EXOC4: variants seen among roughly 807,000 people sequenced by gnomAD.
EXOC4 encodes exocyst complex component 4.
In EXOC4, 71 loss-of-function variants were observed where a neutral mutation model predicts 107.2. That is an observed-to-expected ratio of 0.66 (90% CI 0.55 to 0.81). The LOEUF (loss-of-function observed/expected upper bound fraction) is 0.81, where lower values mean the gene tolerates loss of function less well. Ranked by LOEUF, EXOC4 falls within the 30% of genes least tolerant of loss-of-function variation. The pLI is 0.00. For synonymous variants in EXOC4, 456 were observed against 441.2 expected (o/e 1.03, Z -0.42); for missense variants, 1,108 against 1,189.6 (o/e 0.93, Z 1.01).
At chr7:133,585,682 A>T (rs915227626) in intron 9 of EXOC4, among the ~76,000 whole-genome samples, 2 of 152,064 alleles carry the variant, frequency 1.3e-5, no homozygotes, top group African/African-American at 4.8e-5. Context: ...GAGGAGATAA[A>T]TGATAAGAAA....
At chr7:133,967,248 G>A (rs1801092691) in intron 14 of EXOC4, among the ~76,000 whole-genome samples, 3 of 150,826 alleles carry the variant, frequency 2.0e-5, no homozygotes, top group Admixed American at 1.3e-4. Flanking sequence ...TATCTATTTT[G>A]TTAATCTTCT....
At chr7:133,273,806 A>C (rs1793927740) in intron 1 of EXOC4, among the ~76,000 whole-genome samples, 1 of 152,190 alleles carries the variant, frequency 6.6e-6, no homozygotes. Flanking sequence ...CTCTGAAAGC[A>C]GTTCTAATGA....
chr7:133,668,801 A>G (rs1035256), intron 10 of EXOC4, among the ~76,000 whole-genome samples: 150,155 of 152,184 alleles, frequency 0.99, 74,117 homozygotes, highest in Middle Eastern at 1. Flanking sequence ...GGTTCCAAGG[A>G]CCTGGGCCAG....
intron 5 of EXOC4, among the ~76,000 whole-genome samples, chr7:133,320,089 G>A (rs1469870423): frequency 1.3e-5 from 2 of 152,128 alleles, no homozygotes; most frequent in East Asian, 3.9e-4. Context: ...TTACACAGTT[G>A]ACAAGTGGTT....
In EXOC4 at chr7:133,618,582, G is replaced by T. The variant is rs1802250625; in HGVS notation, c.1418-11463G>T. ...AAAATTCACTACTTTTTGCTTTGGT[G>T]GGTGGTCGACATTGAATTTACTGAA... On this transcript the variant is annotated intron_variant, in intron 9 of 17. Transcript: ENST00000253861. 3.9e-5 allele frequency among the ~76,000 whole-genome samples: 6 copies of T among 152,094 alleles called. No homozygotes were observed. The South Asian group carries it at 1.2e-3, about 31-fold the overall frequency.
intron 10 of EXOC4, among the ~76,000 whole-genome samples, chr7:133,695,725 G>A (rs551133522): frequency 6.6e-6 from 1 of 152,276 alleles, no homozygotes; most frequent in South Asian, 2.1e-4. Context: ...TATAGAGATA[G>A]CACCTTTTCT....
At chr7:133,511,064 A>G (rs752548172) in intron 9 of EXOC4, among the ~76,000 whole-genome samples, 2 of 152,022 alleles carry the variant, frequency 1.3e-5, no homozygotes, top group Non-Finnish European at 2.9e-5. Flanking sequence ...TGGACATATT[A>G]TTAATCCAGA....
chr7:133,447,230 G>A (rs943539458), intron 7 of EXOC4: 2 of 152,098 alleles, frequency 1.3e-5, no homozygotes, highest in Admixed American at 6.6e-5. Flanking sequence ...GAAAACATCA[G>A]TGTTAATCCT....
At chr7:133,657,894 T>C (rs1453168284) in intron 10 of EXOC4, among the ~76,000 whole-genome samples, 1 of 152,202 alleles carries the variant, frequency 6.6e-6, no homozygotes, top group East Asian at 1.9e-4. Context: ...CATTGTGTGG[T>C]TGGCTCTGTA....
At chr7:134,019,131 T>C (rs1287368424) in intron 17 of EXOC4, among the ~76,000 whole-genome samples, 2 of 152,188 alleles carry the variant, frequency 1.3e-5, no homozygotes, top group South Asian at 2.1e-4. Flanking sequence ...GGTTTCACCA[T>C]GTTAGCCAGG....
At chr7:134,085,283 C>A in the EXOC4 span, among the ~76,000 whole-genome samples, 1 of 151,376 alleles carries the variant, frequency 6.6e-6, no homozygotes, top group Non-Finnish European at 1.5e-5. Context: ...AAGTAATAAC[C>A]TTCCAAAAAT....
chr7:133,475,289 T>C (rs1563079623), intron 7 of EXOC4, 39 bp from the exon 8 acceptor site: 16 of 1,512,082 alleles, frequency 1.1e-5, no homozygotes, highest in South Asian at 3.6e-5. Flanking sequence ...ACATTAAAAA[T>C]GTGTATATTA....
chr7:133,301,447 A>G (rs1341688554), intron 3 of EXOC4, among the ~76,000 whole-genome samples: 1 of 152,216 alleles, frequency 6.6e-6, no homozygotes, highest in Non-Finnish European at 1.5e-5. Flanking sequence ...CAACATTTTC[A>G]GAATGGTTAT....
chr7:133,633,019 T>A (rs1802626601), intron 10 of EXOC4, among the ~76,000 whole-genome samples: 2 of 152,214 alleles, frequency 1.3e-5, no homozygotes, highest in African/African-American at 4.8e-5. Context: ...ACTAGGCTCC[T>A]TCACTTTAGT....
At chr7:134,074,758 G>T in the EXOC4 span, among the ~76,000 whole-genome samples, 1 of 152,182 alleles carries the variant, frequency 6.6e-6, no homozygotes, top group Non-Finnish European at 1.5e-5. Context: ...CATGAATGTC[G>T]CATGGAAAGA....
intron 14 of EXOC4, among the ~76,000 whole-genome samples, chr7:133,980,013 A>G (rs2116912104): frequency 6.6e-6 from 1 of 152,248 alleles, no homozygotes; most frequent in Non-Finnish European, 1.5e-5. Context: ...CGACTGGAGA[A>G]AGGCATTCTC....
intron 12 of EXOC4, among the ~76,000 whole-genome samples, chr7:133,904,262 C>T (rs1799518984): frequency 6.6e-6 from 1 of 151,952 alleles, no homozygotes; most frequent in Admixed American, 6.6e-5. Flanking sequence ...GGGGAAAATC[C>T]CTGAAATTAT....
At chr7:133,489,218 C>T (rs1298679509) in intron 9 of EXOC4, among the ~76,000 whole-genome samples, 4 of 151,814 alleles carry the variant, frequency 2.6e-5, no homozygotes, top group Non-Finnish European at 4.4e-5. Flanking sequence ...GAGAGGATCT[C>T]GTGGGGATTC....
intron 13 of EXOC4, among the ~76,000 whole-genome samples, chr7:133,928,118 T>A (rs1800092524): frequency 6.6e-6 from 1 of 152,258 alleles, no homozygotes; most frequent in South Asian, 2.1e-4. Flanking sequence ...TAGATATAAT[T>A]ATTTAATTTT....
Sources: allele counts gnomAD v4.1 joint callset (sites outside exome capture counted in the v4.1 genomes callset), GRCh38; gene constraint gnomAD v4.1.1; transcripts MANE v1.5; gene names NCBI Gene and HGNC (gene_info 2026-07-23, HGNC 2026-07-21).